The following RIMS1 variants were observed in gnomAD, a reference collection of about 807,000 sequenced individuals.
The protein encoded by RIMS1 is regulating synaptic membrane exocytosis 1, also known as regulating synaptic membrane exocytosis protein 1.
A neutral mutation model predicts 214.1 loss-of-function variants in RIMS1; 83 were observed. The observed-to-expected ratio is 0.39, with a 90% CI of 0.32 to 0.47. RIMS1 has a LOEUF of 0.47. Ranked by LOEUF, RIMS1 falls within the 20% of genes least tolerant of loss-of-function variation. The pLI is 0.99. For synonymous variants in RIMS1, 793 were observed against 786.8 expected (o/e 1.01, Z -0.13); for missense variants, 2,050 against 2,161.8 (o/e 0.95, Z 1.03).
intron 25 of RIMS1, among the ~76,000 whole-genome samples, chr6:72,291,115 T>C (rs1298959285): frequency 6.6e-6 from 1 of 152,188 alleles, no homozygotes; most frequent in Non-Finnish European, 1.5e-5. Context: ...CTTTCATCTG[T>C]TTGTGGCATA....
intron 2 of RIMS1, among the ~76,000 whole-genome samples, chr6:71,980,183 A>G (rs1223509186): frequency 6.6e-6 from 1 of 152,048 alleles, no homozygotes; most frequent in African/African-American, 2.4e-5. Context: ...AGGAGGCAAA[A>G]TATAATGGTG....
chr6:72,253,184 A>G (rs957999256), intron 16 of RIMS1, among the ~76,000 whole-genome samples: 1 of 152,168 alleles, frequency 6.6e-6, no homozygotes, highest in African/African-American at 2.4e-5. Flanking sequence ...TTGCATTTCT[A>G]TGATTTTCCT....
At chr6:72,341,698 A>G (rs1298012144) in intron 29 of RIMS1, among the ~76,000 whole-genome samples, 1 of 151,836 alleles carries the variant, frequency 6.6e-6, no homozygotes, top group African/African-American at 2.4e-5. Context: ...ATAAAGTAAA[A>G]TGCCCGAAAT....
At position 72,183,057 on chromosome 6, in the gene RIMS1, C is replaced by G; in HGVS notation, c.1586C>G (p.Ser529Trp). 1 of 1,596,238 alleles carries G rather than the reference C, an allele frequency of 6.3e-7. No individual in the cohort carries two copies. Among genetic ancestry groups the G allele is most frequent in the Non-Finnish European group, 8.5e-7 (1 of 1,172,382 alleles). ...AGAGGCGGCAAGAAGCGGCAGATGT[C>G]GGTGAGCAGCTCTGAGGAGGAGGGC... ...SKRGGKKRQM[S>W]VSSSEEEGVS... is the part of the protein sequence containing the mutation. Residue 529 changes from serine (S) to tryptophan (W), a missense_variant, in exon 6 of 34, where the codon TCG (serine) becomes TGG (tryptophan). Around this residue, in one of 6 missense-constraint regions of RIMS1, gnomAD observed 882 missense variants for 828.9 expected, o/e 1.06. Transcript: ENST00000521978.
chr6:72,160,012 C>T lies in RIMS1; in HGVS notation c.472-19563C>T, dbSNP rs530905488. Among the ~76,000 whole-genome samples the T allele has an allele frequency of 3.7e-4, 49 of 133,948 alleles. 6 individuals carry two copies. In the South Asian group the frequency reaches 8.3e-3, roughly 23 times the overall value. 87.9% of individuals were successfully genotyped at this position (133,948 alleles called of 152,430 possible). On this transcript the variant is annotated intron_variant, in intron 4 of 33. Coordinates refer to ENST00000521978, the MANE Select transcript of RIMS1 (RefSeq NM_014989.7). ...GCCATTTTCACGATATTGATTCTTC[C>T]TACCCATGAGCATGGAATGTTCTTC... is the stretch of plus-strand genomic sequence containing the variant.
chr6:72,045,177 C>T (rs1038485546), intron 2 of RIMS1, among the ~76,000 whole-genome samples: 12 of 151,676 alleles, frequency 7.9e-5, no homozygotes, highest in Non-Finnish European at 1.8e-4. Flanking sequence ...AACAGTGACT[C>T]GGGGAGAGAG....
intron 4 of RIMS1, chr6:72,148,607 T>A (rs750053154): frequency 9.2e-5 from 42 of 456,750 alleles, no homozygotes; most frequent in Non-Finnish European, 1.7e-4. Context: ...GAGCATGACC[T>A]CCTTCCATGA....
chr6:71,946,713 A>G (rs1168252506), intron 1 of RIMS1, among the ~76,000 whole-genome samples: 2 of 152,146 alleles, frequency 1.3e-5, no homozygotes, highest in East Asian at 3.9e-4. Flanking sequence ...GCTCTGTGAC[A>G]TTGGCCTGGG....
chr6:72,078,751 A>G (rs1382699590), intron 2 of RIMS1, among the ~76,000 whole-genome samples: 2 of 152,140 alleles, frequency 1.3e-5, no homozygotes, highest in African/African-American at 2.4e-5. Context: ...CCAATTATAC[A>G]TGCCTACTTT....
chr6:72,012,976 G>A (rs1339202009), intron 2 of RIMS1, among the ~76,000 whole-genome samples: 3 of 152,164 alleles, frequency 2.0e-5, no homozygotes, highest in Non-Finnish European at 1.5e-5. Flanking sequence ...TTGGAATCAA[G>A]ACACCTGTGT....
chr6:72,241,279 A>T (rs780201657), intron 9 of RIMS1, among the ~76,000 whole-genome samples: 2 of 152,172 alleles, frequency 1.3e-5, no homozygotes, highest in Non-Finnish European at 2.9e-5. Context: ...CTTTGCTCAT[A>T]AAATGTTCTA....
In RIMS1 at chr6:72,397,222, A is replaced by G. The variant is rs983732253; in HGVS notation, c.4619-1027A>G. 3.9e-5 allele frequency among the ~76,000 whole-genome samples: 6 copies of G among 152,316 alleles called. No individual in the cohort carries two copies. The East Asian group carries it at 9.6e-4, about 24-fold the overall frequency. On this transcript the variant is annotated intron_variant, in intron 31 of 33. Transcript: ENST00000521978. Reference sequence around the variant, plus strand: ...TATTTTCACAGATGAGTTCTAATAAATATGAACTCAAGAGACATGAAAATT... The same window carrying G: ...TATTTTCACAGATGAGTTCTAATAAGTATGAACTCAAGAGACATGAAAATT...
intron 2 of RIMS1, among the ~76,000 whole-genome samples, chr6:72,053,872 T>C (rs1825386708): frequency 6.6e-6 from 1 of 152,218 alleles, no homozygotes; most frequent in Non-Finnish European, 1.5e-5. Flanking sequence ...TCACAGAGTA[T>C]TGAAACCAGT....
At chr6:72,236,661 A>G (rs975215622) in intron 8 of RIMS1, among the ~76,000 whole-genome samples, 1 of 151,648 alleles carries the variant, frequency 6.6e-6, no homozygotes, top group South Asian at 2.1e-4. Context: ...GTGCCCTTTT[A>G]TTGTTAGGTC....
chr6:72,183,177 G>A (rs1310242784), intron 6 of RIMS1, 28 bp downstream of exon 6: 3 of 1,578,676 alleles, frequency 1.9e-6, no homozygotes, highest in Non-Finnish European at 1.7e-6. Context: ...GCCGTGCGGG[G>A]ACTTCAGCCA....
intron 6 of RIMS1, among the ~76,000 whole-genome samples, chr6:72,226,434 T>C (rs1315687695): frequency 2.0e-5 from 3 of 152,062 alleles, no homozygotes; most frequent in Admixed American, 6.6e-5. Flanking sequence ...AAACCCACAA[T>C]GTTTTCTGTT....
intron 25 of RIMS1, 107 bp downstream of exon 25, chr6:72,290,968 C>T (rs1189091193): frequency 2.2e-6 from 2 of 924,042 alleles, no homozygotes; most frequent in Non-Finnish European, 3.3e-6. Context: ...GACACCATAA[C>T]TTTTAATCCT....
chr6:72,098,872 C>T (rs897918510), intron 3 of RIMS1, among the ~76,000 whole-genome samples: 3 of 152,184 alleles, frequency 2.0e-5, no homozygotes, highest in Non-Finnish European at 2.9e-5. Flanking sequence ...ACCTTATAGG[C>T]TTTCTAAAAT....
intron 2 of RIMS1, among the ~76,000 whole-genome samples, chr6:72,074,220 T>A (rs1029448006): frequency 1.3e-5 from 2 of 152,214 alleles, no homozygotes; most frequent in African/African-American, 4.8e-5. Flanking sequence ...AAGGGATTCA[T>A]GAAATAAGAT....
Sources: gnomAD v4.1 joint callset for allele counts (sites outside exome capture counted in the v4.1 genomes callset) on GRCh38, gnomAD v4.1.1 for gene constraint, gnomAD v4.1.1 regional missense constraint, MANE v1.5 for transcripts, NCBI Gene and HGNC (gene_info 2026-07-23, HGNC 2026-07-21) for gene names.